Variants in HDAC4 observed in about 807,000 individuals in gnomAD.
HDAC4 encodes the protein histone deacetylase A.
In HDAC4, 16 loss-of-function variants were observed where a neutral mutation model predicts 135.1. The ratio of observed to expected loss-of-function variants is 0.12; its 90% CI spans 0.08 to 0.18. HDAC4 has a LOEUF of 0.18. Among genes scored for constraint, HDAC4 ranks in the 10% least tolerant of loss-of-function variants. The pLI, the probability that HDAC4 is intolerant of heterozygous loss-of-function variation, is 1.00. For synonymous variants in HDAC4, 685 were observed against 653.4 expected (o/e 1.05, Z -0.74); for missense variants, 1,143 against 1,511.8 (o/e 0.76, Z 4.05).
Position 239,049,759 on chromosome 2 carries a change from C to G in HDAC4, c.*3338G>C, listed in dbSNP as rs1428791077. ...CCTCCAGAACCAGAGCCCTGGGACG[C>G]TGGGGAGGGGCGGCCAGTCCCAGCG... is the stretch of plus-strand genomic sequence containing the variant. On this transcript the variant is annotated 3_prime_UTR_variant, in exon 27 of 27. Coordinates refer to ENST00000543185, the MANE Select transcript of HDAC4 (RefSeq NM_001378414.1). 1 of 152,252 alleles carries G rather than the reference C, an allele frequency of 6.6e-6. No individual in the cohort carries two copies. Among genetic ancestry groups the G allele is most frequent in the African/African-American group, 2.4e-5 (1 of 41,462 alleles). 9.4% of individuals were successfully genotyped at this position (152,252 alleles called of 1,614,324 possible).
At chr2:239,213,387 T>G (rs1444163597) in intron 3 of HDAC4, among the ~76,000 whole-genome samples, 1 of 152,180 alleles carries the variant, frequency 6.6e-6, no homozygotes, top group Non-Finnish European at 1.5e-5. Flanking sequence ...CCCGCGCCCC[T>G]CATTCCCTGC....
chr2:239,192,000 C>G (rs992725465), intron 3 of HDAC4, among the ~76,000 whole-genome samples: 1 of 152,214 alleles, frequency 6.6e-6, no homozygotes, highest in Non-Finnish European at 1.5e-5. Flanking sequence ...GTTTCTTTCC[C>G]CAAATCAGTG....
At chr2:239,283,864 C>A (rs956257072) in intron 2 of HDAC4, among the ~76,000 whole-genome samples, 3 of 152,234 alleles carry the variant, frequency 2.0e-5, no homozygotes, top group Non-Finnish European at 4.4e-5. Flanking sequence ...TTGCTAGCTT[C>A]TGGCTTGAAT....
intron 12 of HDAC4, among the ~76,000 whole-genome samples, chr2:239,124,554 G>A (rs911842657): frequency 3.5e-5 from 5 of 141,364 alleles, no homozygotes; most frequent in African/African-American, 5.5e-5. Flanking sequence ...GTCATTCCAC[G>A]TTATATGACA....
chr2:239,391,542 A>C (rs531077075), intron 1 of HDAC4, among the ~76,000 whole-genome samples: 39 of 152,240 alleles, frequency 2.6e-4, no homozygotes, highest in Admixed American at 2.2e-3. Flanking sequence ...GCGGGGGAGG[A>C]GGAAGAGGAA....
In HDAC4 at chr2:239,303,335, T is replaced by C. The variant is rs1174336008; in HGVS notation, c.22+49343A>G. Among the ~76,000 whole-genome samples the C allele has an allele frequency of 1.3e-5, 2 of 152,262 alleles. No homozygotes were observed. Among genetic ancestry groups the C allele is most frequent in the East Asian group, 1.9e-4 (1 of 5,196 alleles). On this transcript the variant is annotated intron_variant, in intron 2 of 26. Coordinates refer to ENST00000543185, the MANE Select transcript of HDAC4 (RefSeq NM_001378414.1). The surrounding 1 kb of genome is among the most constrained non-coding windows in gnomAD (Gnocchi z 5.1). The stretch of plus-strand genomic sequence containing the variant: ...GCTCCCGGATTGACTTGTCCTCCTC[T>C]GATGCCTGGTTCCTCTGCCATCAAG...
chr2:239,091,578 C>T (rs548834425), intron 17 of HDAC4: 2 of 152,272 alleles, frequency 1.3e-5, no homozygotes, highest in East Asian at 3.9e-4. Flanking sequence ...ACCAGGCCCT[C>T]GAGGGCTCCT....
chr2:239,159,900 G>A (rs556983219), intron 6 of HDAC4, among the ~76,000 whole-genome samples: 129 of 152,396 alleles, frequency 8.5e-4, no homozygotes, highest in Non-Finnish European at 1.5e-3. Context: ...GGCCAACCCG[G>A]ATGCCACACC....
In HDAC4 at chr2:239,240,243, C is replaced by T. The variant is rs949364798; in HGVS notation, c.23-3579G>A. The stretch of plus-strand genomic sequence containing the variant: ...AGCTTTGGAACGGACCTAAACAAAG[C>T]GTGGCCAGTGGGGCAAAGAACGTCT... On this transcript the variant is annotated intron_variant, in intron 2 of 26. Coordinates refer to ENST00000543185, the MANE Select transcript of HDAC4 (RefSeq NM_001378414.1). This position sits in a 1 kb window ranked among gnomAD's most constrained non-coding sequence, Gnocchi z 4.5. Among the ~76,000 whole-genome samples, 6 of 152,212 alleles carry T rather than the reference C, an allele frequency of 3.9e-5. No homozygotes were observed. Among genetic ancestry groups the T allele is most frequent in the Non-Finnish European group, 7.3e-5 (5 of 68,032 alleles).
intron 3 of HDAC4, among the ~76,000 whole-genome samples, chr2:239,198,717 G>A (rs773703099): frequency 8.5e-5 from 13 of 152,146 alleles, no homozygotes; most frequent in Non-Finnish European, 1.8e-4. Context: ...GCTCTCATTC[G>A]TGTCGCCCCT....
chr2:239,138,235 C>T (rs1009506186), intron 9 of HDAC4, among the ~76,000 whole-genome samples: 1 of 152,104 alleles, frequency 6.6e-6, no homozygotes, highest in South Asian at 2.1e-4. Flanking sequence ...TAAAAGAAAT[C>T]GATGTATGAA....
In HDAC4 at chr2:239,068,922, C is replaced by T. The variant is rs1559367191; in HGVS notation, c.2751-315G>A. ...GCACTTGCTTGGTGAGAGGGAGTCA[C>T]GGTGCAAGCCAGCAAGCCCCACTGC... On this transcript the variant is annotated intron_variant, in intron 22 of 26. Transcript: ENST00000543185. This position sits in a 1 kb window ranked among gnomAD's most constrained non-coding sequence, Gnocchi z 4.4. 4 of 227,930 alleles carry T rather than the reference C, an allele frequency of 1.8e-5. No homozygotes were observed. Among genetic ancestry groups the T allele is most frequent in the East Asian group, 9.5e-5 (1 of 10,472 alleles). The allele number at this position is 227,930 out of a possible 1,614,324, so 14.1% of individuals were successfully genotyped here. A position where few individuals can be genotyped will look rare whatever the true frequency, so the allele number is the denominator to read the frequency against.
rs932971721 is a variant in HDAC4 at position 239,181,153 on chromosome 2, G to A, written c.340-4590C>T. ...TGCCGGCTCTCCTCACAGATGAAAA[G>A]CCCTGTCCACAAACACGCCCACCCA... On this transcript the variant is annotated intron_variant, in intron 4 of 26. Transcript: ENST00000543185. Among the ~76,000 whole-genome samples the A allele has an allele frequency of 2.0e-5, 3 of 152,234 alleles. No individual in the cohort carries two copies. The South Asian group carries it at 6.2e-4, about 32-fold the overall frequency.
rs185821659 is a variant in HDAC4 at position 239,066,575 on chromosome 2, G to C, written c.3003+147C>G. On this transcript the variant is annotated intron_variant, in intron 24 of 26. Coordinates refer to ENST00000543185, the MANE Select transcript of HDAC4 (RefSeq NM_001378414.1). The stretch of plus-strand genomic sequence containing the variant: ...GCCACATTTAGAGCTATGCGGGGGT[G>C]GGGGGCAGGTGCAAGGCGGAGCTGC... 18 of 1,010,788 alleles carry C rather than the reference G, an allele frequency of 1.8e-5. 1 individual carries two copies. Among genetic ancestry groups the C allele is most frequent in the Admixed American group, 5.2e-5 (3 of 57,892 alleles). The allele number at this position is 1,010,788 out of a possible 1,614,324, so 62.6% of individuals were successfully genotyped here. A position where few individuals can be genotyped will look rare whatever the true frequency, so the allele number is the denominator to read the frequency against.
chr2:239,094,998 AG>A lies in HDAC4; in HGVS notation c.2280+11del, dbSNP rs1304282310. On this transcript the variant is annotated intron_variant, in intron 17 of 26. Coordinates refer to ENST00000543185, the MANE Select transcript of HDAC4 (RefSeq NM_001378414.1). Reference sequence around the variant, plus strand: ...AAACAGGACATTATTTACACATTAAAGGAACACTTACCCCAACACCACCGCA... The same window carrying A: ...AAACAGGACATTATTTACACATTAAAGAACACTTACCCCAACACCACCGCA... 1.2e-6 allele frequency: 2 copies of A among 1,613,954 alleles called. No homozygotes were observed. The highest frequency in any genetic ancestry group is 1.7e-6 in the Non-Finnish European group (2 of 1,179,964).
rs1263199563 is a variant in HDAC4, at chr2:239,066,823, G to C, written c.2902C>G (p.Leu968Val). 6.2e-7 allele frequency: 1 copy of C among 1,613,570 alleles called. No homozygotes were observed. The highest frequency in any genetic ancestry group is 1.3e-5 in the African/African-American group (1 of 74,944). ...GCCAGGACAATCCGGCCGCCAGCCA[G>C]GCCCATCAGCTGCTTCGTCAGGTAC... Reference protein sequence around the residue: ...FGYLTKQLMGLAGGRIVLALE... With the variant: ...FGYLTKQLMGVAGGRIVLALE... The change falls in exon 24 of 27, where the codon CTG becomes GTG. Residue 968 changes from leucine (L) to valine (V), a missense_variant. Transcript: ENST00000543185.
intron 6 of HDAC4, among the ~76,000 whole-genome samples, 169 bp from the exon 7 acceptor site, chr2:239,156,942 T>C (rs1399574744): frequency 6.6e-6 from 1 of 152,192 alleles, no homozygotes; most frequent in East Asian, 1.9e-4. Context: ...ACAAACAGGA[T>C]GCTAAACAAG....
intron 4 of HDAC4, among the ~76,000 whole-genome samples, chr2:239,176,871 C>T (rs2043809764): frequency 6.6e-6 from 1 of 152,232 alleles, no homozygotes; most frequent in Non-Finnish European, 1.5e-5. Flanking sequence ...GAGAACGACA[C>T]AAAGACAGTG....
intron 2 of HDAC4, among the ~76,000 whole-genome samples, chr2:239,247,237 C>G (rs780499934): frequency 6.6e-6 from 1 of 152,190 alleles, no homozygotes; most frequent in Non-Finnish European, 1.5e-5. Flanking sequence ...TCTGTTTCCC[C>G]GCAGGCATCC....
Sources: gnomAD v4.1 joint callset for allele counts (sites outside exome capture counted in the v4.1 genomes callset) on GRCh38, gnomAD v4.1.1 for gene constraint, Gnocchi (gnomAD v3.1) non-coding constraint, MANE v1.5 for transcripts, NCBI Gene and HGNC (gene_info 2026-07-23, HGNC 2026-07-21) for gene names.